The following SLC35G4 variants were observed in gnomAD, a reference collection of about 807,000 sequenced individuals.
SLC35G4 encodes the protein solute carrier family 35 member G4.
Under a neutral mutation model 15.8 loss-of-function variants are expected in SLC35G4, and 12 were observed. That is an observed-to-expected ratio of 0.76 (90% CI 0.49 to 1.23). The LOEUF (loss-of-function observed/expected upper bound fraction) is 1.23, where lower values mean the gene tolerates loss of function less well. SLC35G4 is among the 50% of genes most tolerant of loss of function. The pLI is 0.00. For missense variants in SLC35G4, 390 were observed against 422.1 expected, an observed-to-expected ratio of 0.92 and a Z score of 0.67; for synonymous variants, 177 against 186.5, an observed-to-expected ratio of 0.95 and a Z score of 0.41.
At position 11,609,906 on chromosome 18, in the gene SLC35G4, C is replaced by T; in HGVS notation, c.311C>T (p.Thr104Ile). ...LLGPPDIRGRTCFCALLNVLN... is the reference protein window; with the variant it reads ...LLGPPDIRGRICFCALLNVLN... ...GGACCTCCTGACATCCGAGGCCGCACCTGCTTCTGTGCCCTGCTCAACGTC... is the reference window on the plus strand; with the variant it reads ...GGACCTCCTGACATCCGAGGCCGCATCTGCTTCTGTGCCCTGCTCAACGTC... The change falls in exon 1 of 1, where the codon ACC (threonine) becomes ATC (isoleucine). Residue 104 changes from threonine (T) to isoleucine (I), a missense_variant. Coordinates refer to ENST00000588001, the MANE Select transcript of SLC35G4 (RefSeq NM_001282300.2). 4 of 1,611,118 alleles carry T rather than the reference C, an allele frequency of 2.5e-6. No individual in the cohort carries two copies. The highest frequency in any genetic ancestry group is 3.4e-6 in the Non-Finnish European group (4 of 1,177,972).
Position 11,610,510 on chromosome 18 carries a change from G to A in SLC35G4, c.915G>A (p.Val305=), listed in dbSNP as rs751090518. 10 of 1,514,106 alleles carry A rather than the reference G, an allele frequency of 6.6e-6. No homozygotes were observed. The highest frequency in any genetic ancestry group is 1.9e-5 in the Admixed American group (1 of 53,948). The allele number at this position is 1,514,106 out of a possible 1,614,324, so 93.8% of individuals were successfully genotyped here. A position where few individuals can be genotyped will look rare whatever the true frequency, so the allele number is the denominator to read the frequency against. Residue 305 remains valine, a synonymous_variant, in exon 1 of 1, where the codon GTG becomes GTA. Transcript: ENST00000588001. ...AGTATTTTATGCTCCATGAGACTGT[G>A]GCACCTTCTGACATCATGGGGGCAG... is the stretch of plus-strand genomic sequence containing the variant. ...ILQYFMLHET[V]APSDIMGAGV...
Position 11,609,964 on chromosome 18 carries a change from G to A in SLC35G4, c.369G>A (p.Gln123=), listed in dbSNP as rs188001666. ...TTGGATGTGCCTATAGTGCGGTTCA[G>A]GTGGTGCCCACTGGCAATGCTGCCA... ...LNIGCAYSAV[Q]VVPTGNAATV... Residue 123 remains glutamine, a synonymous_variant, in exon 1 of 1, where the codon CAG becomes CAA. Transcript: ENST00000588001. 2.5e-3 allele frequency: 4,094 copies of A among 1,614,000 alleles called. 24 individuals carry two copies. In the Middle Eastern group the frequency reaches 0.037, roughly 15 times the overall value.
Position 11,609,662 on chromosome 18 carries a change from C to T in SLC35G4, c.67C>T (p.Pro23Ser), listed in dbSNP as rs1415198342. The T allele has an allele frequency of 5.0e-6, 8 of 1,613,816 alleles. No homozygotes were observed. In the Admixed American group the frequency reaches 1.3e-4, roughly 27 times the overall value. ...STHPSPPSTP[P>S]SLHWHQRCQP... ...ACACCCATCGCCGCCCTCCACTCCA[C>T]CCAGCCTCCACTGGCACCAGCGCTG... The change falls in exon 1 of 1, where the codon CCC (proline) becomes TCC (serine). Residue 23 changes from proline to serine, a missense_variant. By Grantham distance (74) the Pro-to-Ser change is moderately conservative (BLOSUM62 -1). Coordinates refer to ENST00000588001, the MANE Select transcript of SLC35G4 (RefSeq NM_001282300.2).
chr18:11,609,944 T>C lies in SLC35G4; in HGVS notation c.349T>C (p.Cys117Arg). 1 of 1,614,018 alleles carries C rather than the reference T, an allele frequency of 6.2e-7. No homozygotes were observed. The highest frequency in any genetic ancestry group is 8.5e-7 in the Non-Finnish European group (1 of 1,179,870). The change falls in exon 1 of 1, where the codon TGT becomes CGT. Residue 117 changes from cysteine to arginine, a missense_variant. By Grantham distance (180) the Cys-to-Arg change is radical. Transcript: ENST00000588001. ...CCTGCTCAACGTCCTCAACATTGGA[T>C]GTGCCTATAGTGCGGTTCAGGTGGT... ...CALLNVLNIGCAYSAVQVVPT... is the reference protein window; with the variant it reads ...CALLNVLNIGRAYSAVQVVPT...
At position 11,609,789 on chromosome 18, in the gene SLC35G4, C is replaced by T; in HGVS notation, c.194C>T (p.Ser65Phe). The change falls in exon 1 of 1, where the codon TCC becomes TTC. Residue 65 changes from serine (S) to phenylalanine (F), a missense_variant. Coordinates refer to ENST00000588001, the MANE Select transcript of SLC35G4 (RefSeq NM_001282300.2). ...GPLSRMAYQA[S>F]NLPSLELVIC... ...CTTTCTCGTATGGCTTACCAGGCTTCCAACCTGCCCTCGCTGGAGCTGGTC... is the reference window on the plus strand; with the variant it reads ...CTTTCTCGTATGGCTTACCAGGCTTTCAACCTGCCCTCGCTGGAGCTGGTC... 1.2e-6 allele frequency: 2 copies of T among 1,613,812 alleles called. No individual in the cohort carries two copies. The highest frequency in any genetic ancestry group is 2.2e-5 in the East Asian group (1 of 44,852).
Position 11,609,673 on chromosome 18 carries a change from C to T in SLC35G4, c.78C>T (p.His26=), listed in dbSNP as rs537434272. ...PSPPSTPPSL[H]WHQRCQPSDA... is the part of the protein sequence containing the mutation. ...CGCCCTCCACTCCACCCAGCCTCCA[C>T]TGGCACCAGCGCTGCCAGCCCTCTG... is the stretch of plus-strand genomic sequence containing the variant. Residue 26 remains histidine, a synonymous_variant, in exon 1 of 1, where the codon CAC becomes CAT. Coordinates refer to ENST00000588001, the MANE Select transcript of SLC35G4 (RefSeq NM_001282300.2). 44 of 1,613,994 alleles carry T rather than the reference C, an allele frequency of 2.7e-5. No homozygotes were observed. In the Admixed American group the frequency reaches 5.5e-4, roughly 20 times the overall value.
At position 11,609,715 on chromosome 18, in the gene SLC35G4, G is replaced by A. The variant is rs571894486; in HGVS notation, c.120G>A (p.Leu40=). ...RCQPSDATNG[L]LVALLGGGLP... is the part of the protein sequence containing the mutation. ...AGCCCTCTGATGCCACCAATGGCCTGCTGGTGGCCCTGCTGGGTGGGGGCC... is the reference window on the plus strand; with the variant it reads ...AGCCCTCTGATGCCACCAATGGCCTACTGGTGGCCCTGCTGGGTGGGGGCC... Residue 40 remains leucine, a synonymous_variant, in exon 1 of 1, where the codon CTG becomes CTA. Transcript: ENST00000588001. 1 of 1,613,900 alleles carries A rather than the reference G, an allele frequency of 6.2e-7. No homozygotes were observed. The highest frequency in any genetic ancestry group is 1.3e-5 in the African/African-American group (1 of 75,050).
rs1350507613 is a variant in SLC35G4, at chr18:11,610,019, T to A, written c.424T>A (p.Ser142Thr). The change falls in exon 1 of 1, where the codon TCC becomes ACC. Residue 142 changes from serine to threonine, a missense_variant. Physicochemically the swap from Ser to Thr is moderately conservative, Grantham distance 58. Transcript: ENST00000588001. ...TVRKHSSTVC[S>T]AILTLCLESQ... ...TCGCAAACATTCTTCCACCGTCTGC[T>A]CCGCCATCCTCACCCTCTGCCTTGA... is the stretch of plus-strand genomic sequence containing the variant. The A allele has an allele frequency of 2.5e-6, 4 of 1,613,912 alleles. No individual in the cohort carries two copies. The highest frequency in any genetic ancestry group is 3.4e-6 in the Non-Finnish European group (4 of 1,179,810).
rs775301041 is a variant in SLC35G4, at chr18:11,609,745, T to G, written c.150T>G (p.Pro50=). The part of the protein sequence containing the change: ...LLVALLGGGL[P]AGFVGPLSRM... ...TGGCCCTGCTGGGTGGGGGCCTGCC[T>G]GCTGGCTTCGTGGGCCCCCTTTCTC... The change falls in exon 1 of 1, where the codon CCT becomes CCG. Residue 50 remains proline (P), a synonymous_variant. Coordinates refer to ENST00000588001, the MANE Select transcript of SLC35G4 (RefSeq NM_001282300.2). The G allele has an allele frequency of 2.5e-5, 41 of 1,613,678 alleles. No individual in the cohort carries two copies. Among genetic ancestry groups the G allele is most frequent in the Non-Finnish European group, 3.4e-5 (40 of 1,179,920 alleles).
In SLC35G4 at chr18:11,609,679, C is replaced by A. The variant is rs1392344274; in HGVS notation, c.84C>A (p.His28Gln). 1 of 1,614,056 alleles carries A rather than the reference C, an allele frequency of 6.2e-7. No homozygotes were observed. Among genetic ancestry groups the A allele is most frequent in the Non-Finnish European group, 8.5e-7 (1 of 1,180,008 alleles). ...CCACTCCACCCAGCCTCCACTGGCA[C>A]CAGCGCTGCCAGCCCTCTGATGCCA... Reference protein sequence around the residue: ...PPSTPPSLHWHQRCQPSDATN... With the variant: ...PPSTPPSLHWQQRCQPSDATN... The change falls in exon 1 of 1, where the codon CAC (histidine) becomes CAA (glutamine). Residue 28 changes from histidine to glutamine, a missense_variant. By Grantham distance (24) the His-to-Gln change is conservative (BLOSUM62 0). Transcript: ENST00000588001.
chr18:11,610,075 T>C lies in SLC35G4; in HGVS notation c.480T>C (p.Cys160=). 6.2e-7 allele frequency: 1 copy of C among 1,613,950 alleles called. No individual in the cohort carries two copies. The highest frequency in any genetic ancestry group is 8.5e-7 in the Non-Finnish European group (1 of 1,179,878). The change falls in exon 1 of 1, where the codon TGT becomes TGC. Residue 160 remains cysteine, a synonymous_variant. Transcript: ENST00000588001. The part of the protein sequence containing the change: ...ESQVLSGYDW[C]GLLGSILGLI... ...AGGTTCTCAGTGGCTACGACTGGTG[T>C]GGACTGTTGGGCAGCATCCTAGGAC...
Position 11,609,659 on chromosome 18 carries a change from C to T in SLC35G4, c.64C>T (p.Pro22Ser). The T allele has an allele frequency of 1.9e-6, 3 of 1,613,696 alleles. No individual in the cohort carries two copies. Among genetic ancestry groups the T allele is most frequent in the Non-Finnish European group, 2.5e-6 (3 of 1,179,744 alleles). ...DSTHPSPPST[P>S]PSLHWHQRCQ... ...CACACACCCATCGCCGCCCTCCACT[C>T]CACCCAGCCTCCACTGGCACCAGCG... The change falls in exon 1 of 1, where the codon CCA (proline) becomes TCA (serine). Residue 22 changes from proline to serine, a missense_variant. Around this residue, in one of 2 missense-constraint regions of SLC35G4, gnomAD observed 331 missense variants for 241.1 expected, o/e 1.37. Coordinates refer to ENST00000588001, the MANE Select transcript of SLC35G4 (RefSeq NM_001282300.2).
At position 11,609,750 on chromosome 18, in the gene SLC35G4, G is replaced by T; in HGVS notation, c.155G>T (p.Gly52Val). Residue 52 changes from glycine to valine, a missense_variant, in exon 1 of 1, where the codon GGC (glycine) becomes GTC (valine). Gly to Val is a moderately radical substitution (Grantham distance 109). Around this residue, in one of 2 missense-constraint regions of SLC35G4, gnomAD observed 331 missense variants for 241.1 expected, o/e 1.37. Transcript: ENST00000588001. Reference sequence around the variant, plus strand: ...CTGCTGGGTGGGGGCCTGCCTGCTGGCTTCGTGGGCCCCCTTTCTCGTATG... The same window carrying T: ...CTGCTGGGTGGGGGCCTGCCTGCTGTCTTCGTGGGCCCCCTTTCTCGTATG... ...VALLGGGLPA[G>V]FVGPLSRMAY... is the part of the protein sequence containing the mutation. 2 of 1,613,774 alleles carry T rather than the reference G, an allele frequency of 1.2e-6. No homozygotes were observed. The highest frequency in any genetic ancestry group is 1.7e-6 in the Non-Finnish European group (2 of 1,179,900).
In SLC35G4 at chr18:11,609,728, C is replaced by A. The variant is rs8087289; in HGVS notation, c.133C>A (p.Leu45Met). 0.2 allele frequency: 315,073 copies of A among 1,613,344 alleles called. 32,775 individuals are homozygous for A. Among genetic ancestry groups the A allele is most frequent in the African/African-American group, 0.36 (26,650 of 74,876 alleles). The change falls in exon 1 of 1, where the codon CTG becomes ATG. Residue 45 changes from leucine to methionine, a missense_variant. Leu to Met is a conservative substitution (Grantham distance 15). This residue lies in a region of SLC35G4 where 331 missense variants were observed against 241.1 expected (regional missense o/e 1.37). Transcript: ENST00000588001. ...DATNGLLVALLGGGLPAGFVG... is the reference protein window; with the variant it reads ...DATNGLLVALMGGGLPAGFVG... ...CACCAATGGCCTGCTGGTGGCCCTG[C>A]TGGGTGGGGGCCTGCCTGCTGGCTT...
chr18:11,609,890 G>A lies in SLC35G4; in HGVS notation c.295G>A (p.Asp99Asn), dbSNP rs1598447145. The A allele has an allele frequency of 8.1e-6, 13 of 1,613,412 alleles. No individual in the cohort carries two copies. The highest frequency in any genetic ancestry group is 6.7e-5 in the Admixed American group (4 of 59,988). ...LRGDPLLGPP[D>N]IRGRTCFCAL... ...TGGCGACCCCCTTCTGGGACCTCCT[G>A]ACATCCGAGGCCGCACCTGCTTCTG... Residue 99 changes from aspartate (D) to asparagine (N), a missense_variant, in exon 1 of 1, where the codon GAC becomes AAC. Physicochemically the swap from Asp to Asn is conservative, Grantham distance 23. Transcript: ENST00000588001.
Position 11,610,307 on chromosome 18 carries a change from C to A in SLC35G4, c.712C>A (p.Leu238Ile), listed in dbSNP as rs1567968260. ...LVGLLGSVPGLFVLQSPVLPS... is the reference protein window; with the variant it reads ...LVGLLGSVPGIFVLQSPVLPS... ...GGGGCTGCTGGGCTCTGTGCCAGGC[C>A]TCTTTGTGCTGCAGTCCCCCGTGTT... The change falls in exon 1 of 1, where the codon CTC (leucine) becomes ATC (isoleucine). Residue 238 changes from leucine (L) to isoleucine (I), a missense_variant. Leu to Ile is a conservative substitution (Grantham distance 5). Coordinates refer to ENST00000588001, the MANE Select transcript of SLC35G4 (RefSeq NM_001282300.2). The A allele has an allele frequency of 6.2e-7, 1 of 1,604,618 alleles. No individual in the cohort carries two copies. Among genetic ancestry groups the A allele is most frequent in the African/African-American group, 1.4e-5 (1 of 72,932 alleles).
chr18:11,610,315 G>C lies in SLC35G4; in HGVS notation c.720G>C (p.Val240=), dbSNP rs2029988922. 1 of 1,603,618 alleles carries C rather than the reference G, an allele frequency of 6.2e-7. No homozygotes were observed. Among genetic ancestry groups the C allele is most frequent in the Admixed American group, 1.7e-5 (1 of 59,770 alleles). The change falls in exon 1 of 1, where the codon GTG becomes GTC. Residue 240 remains valine, a synonymous_variant. Coordinates refer to ENST00000588001, the MANE Select transcript of SLC35G4 (RefSeq NM_001282300.2). ...GLLGSVPGLF[V]LQSPVLPSDL... Reference sequence around the variant, plus strand: ...TGGGCTCTGTGCCAGGCCTCTTTGTGCTGCAGTCCCCCGTGTTGCCCAGTG... The same window carrying C: ...TGGGCTCTGTGCCAGGCCTCTTTGTCCTGCAGTCCCCCGTGTTGCCCAGTG...
rs1484707888 is a variant in SLC35G4 at position 11,610,568 on chromosome 18, G to C, written c.973G>C (p.Ala325Pro). The change falls in exon 1 of 1, where the codon GCC becomes CCC. Residue 325 changes from alanine (A) to proline (P), a missense_variant. This residue lies in a region of SLC35G4 where 59 missense variants were observed against 181.0 expected (regional missense o/e 0.33). Coordinates refer to ENST00000588001, the MANE Select transcript of SLC35G4 (RefSeq NM_001282300.2). ...GCTGGGCAGCATTGCCATCATTACA[G>C]CCCGGAACCTCATCTGTGAGAGGAC... The part of the protein sequence containing the change: ...VVLGSIAIIT[A>P]RNLICERTGK... The C allele has an allele frequency of 6.4e-7, 1 of 1,562,508 alleles. No individual in the cohort carries two copies. Among genetic ancestry groups the C allele is most frequent in the East Asian group, 2.3e-5 (1 of 42,942 alleles).
rs749146884 is a variant in SLC35G4, at chr18:11,609,786, C to A, written c.191C>A (p.Ala64Asp). Residue 64 changes from alanine to aspartate, a missense_variant, in exon 1 of 1, where the codon GCT becomes GAT. Physicochemically the swap from Ala to Asp is moderately radical, Grantham distance 126. Around this residue, in one of 2 missense-constraint regions of SLC35G4, gnomAD observed 331 missense variants for 241.1 expected, o/e 1.37. Transcript: ENST00000588001. Reference protein sequence around the residue: ...VGPLSRMAYQASNLPSLELVI... With the variant: ...VGPLSRMAYQDSNLPSLELVI... ...CCCCTTTCTCGTATGGCTTACCAGGCTTCCAACCTGCCCTCGCTGGAGCTG... is the reference window on the plus strand; with the variant it reads ...CCCCTTTCTCGTATGGCTTACCAGGATTCCAACCTGCCCTCGCTGGAGCTG... 4.5e-5 allele frequency: 73 copies of A among 1,613,716 alleles called. No homozygotes were observed. The highest frequency in any genetic ancestry group is 5.8e-5 in the Non-Finnish European group (69 of 1,179,812).
Sources: allele counts gnomAD v4.1 joint callset, GRCh38; gene constraint gnomAD v4.1.1; regional missense constraint gnomAD v4.1.1; transcripts MANE v1.5; gene names NCBI Gene and HGNC (gene_info 2026-07-23, HGNC 2026-07-21).